The following CLSTN2 variants were observed in gnomAD, a reference collection of about 807,000 sequenced individuals.
CLSTN2 encodes calsyntenin 2.
A neutral mutation model predicts 101.2 loss-of-function variants in CLSTN2; 48 were observed. The observed-to-expected ratio is 0.47, with a 90% CI of 0.38 to 0.60. The LOEUF is 0.60. CLSTN2 is among the 20% of genes least tolerant of loss of function. The pLI is 0.00. For missense variants in CLSTN2, 1,160 were observed against 1,238.2 expected (o/e 0.94, Z 0.95); for synonymous variants, 481 against 463.6 (o/e 1.04, Z -0.48).
chr3:140,268,857 A>G (rs2086717515), intron 2 of CLSTN2, among the ~76,000 whole-genome samples: 1 of 152,150 alleles, frequency 6.6e-6, no homozygotes, highest in South Asian at 2.1e-4. Flanking sequence ...TCCTCTGTGT[A>G]CAGGATAGAA....
intron 11 of CLSTN2, 89 bp downstream of exon 11, chr3:140,556,750 A>C: frequency 1.5e-6 from 2 of 1,333,604 alleles, no homozygotes; most frequent in Non-Finnish European, 2.1e-6. Flanking sequence ...CCCTCACAAA[A>C]CAGGAGTTGC....
chr3:139,971,585 A>T (rs1393540344), intron 1 of CLSTN2, among the ~76,000 whole-genome samples: 1 of 152,216 alleles, frequency 6.6e-6, no homozygotes, highest in Non-Finnish European at 1.5e-5. Flanking sequence ...TTCCCCAAGC[A>T]GGAACAGTTG....
At chr3:140,429,441 G>A (rs2088605429) in intron 5 of CLSTN2, among the ~76,000 whole-genome samples, 1 of 152,164 alleles carries the variant, frequency 6.6e-6, no homozygotes, top group Non-Finnish European at 1.5e-5. Flanking sequence ...TTAGCACAGA[G>A]AGGAGGGGGT....
At chr3:140,098,392 A>G (rs2008907000) in intron 1 of CLSTN2, among the ~76,000 whole-genome samples, 2 of 152,232 alleles carry the variant, frequency 1.3e-5, no homozygotes, top group South Asian at 4.1e-4. Context: ...TTTCACAAGT[A>G]CTTGGCTACT....
At chr3:140,115,661 A>G (rs554395386) in intron 1 of CLSTN2, among the ~76,000 whole-genome samples, 1 of 152,314 alleles carries the variant, frequency 6.6e-6, no homozygotes, top group South Asian at 2.1e-4. Context: ...TTTGTGTTTG[A>G]CATTCTTTTC....
chr3:140,188,892 G>T (rs2010518924), intron 2 of CLSTN2, among the ~76,000 whole-genome samples: 1 of 152,030 alleles, frequency 6.6e-6, no homozygotes, highest in African/African-American at 2.4e-5. Flanking sequence ...CTATCACAAG[G>T]ATCCCACATT....
intron 6 of CLSTN2, among the ~76,000 whole-genome samples, chr3:140,458,799 A>G (rs1933481565): frequency 6.6e-6 from 1 of 152,188 alleles, no homozygotes; most frequent in Non-Finnish European, 1.5e-5. Flanking sequence ...TTCAGCCCTC[A>G]CAACTCGCTG....
chr3:140,524,089 G>A (rs139542452), intron 8 of CLSTN2, among the ~76,000 whole-genome samples: 2 of 152,336 alleles, frequency 1.3e-5, no homozygotes, highest in Non-Finnish European at 2.9e-5. Flanking sequence ...TGGAGAAAGA[G>A]TAGGGGAATT....
At chr3:140,418,073 C>T (rs139869060) in intron 4 of CLSTN2, among the ~76,000 whole-genome samples, 180 of 152,246 alleles carry the variant, frequency 1.2e-3, no homozygotes, top group Non-Finnish European at 2.1e-3. Flanking sequence ...AAACTCTGAG[C>T]CTTCCTTTTG....
intron 8 of CLSTN2, among the ~76,000 whole-genome samples, chr3:140,518,507 T>C (rs768931272): frequency 7.9e-5 from 12 of 152,188 alleles, no homozygotes; most frequent in Non-Finnish European, 1.5e-4. Flanking sequence ...ACTCCTGTTT[T>C]TCACTTGGCT....
At chr3:140,360,129 C>A (rs2087712783) in intron 2 of CLSTN2, among the ~76,000 whole-genome samples, 1 of 151,996 alleles carries the variant, frequency 6.6e-6, no homozygotes, top group Non-Finnish European at 1.5e-5. Context: ...TCCTGGAAAG[C>A]AAGTTACCCA....
At chr3:140,227,709 C>A (rs1355123059) in intron 2 of CLSTN2, among the ~76,000 whole-genome samples, 1 of 152,244 alleles carries the variant, frequency 6.6e-6, no homozygotes, top group African/African-American at 2.4e-5. Flanking sequence ...TGTTTCCATG[C>A]ATCTTCTAAA....
rs762671030 is a variant in CLSTN2, at chr3:140,532,471, G to A, written c.1492G>A (p.Gly498Ser). The change falls in exon 9 of 17, where the codon GGC (glycine) becomes AGC (serine). Residue 498 changes from glycine to serine, a missense_variant. Transcript: ENST00000458420. ...TCACATAGCCATGCAACTCACAGTC[G>A]GCGCTTGTTGGCAAGGTAATCCTAA... ...PSHIAMQLTVGACWQGGEVTK... is the reference protein window; with the variant it reads ...PSHIAMQLTVSACWQGGEVTK... 12 of 1,612,684 alleles carry A rather than the reference G, an allele frequency of 7.4e-6. No homozygotes were observed. The highest frequency in any genetic ancestry group is 2.2e-5 in the South Asian group (2 of 90,744).
chr3:140,015,227 T>G (rs936687755), intron 1 of CLSTN2, among the ~76,000 whole-genome samples: 6 of 152,180 alleles, frequency 3.9e-5, no homozygotes, highest in African/African-American at 1.2e-4. Flanking sequence ...ATCTTTATTA[T>G]CCTGCTCAGG....
At chr3:139,997,582 G>A (rs1203698604) in intron 1 of CLSTN2, among the ~76,000 whole-genome samples, 2 of 152,032 alleles carry the variant, frequency 1.3e-5, no homozygotes, top group Non-Finnish European at 1.5e-5. Context: ...AGACAGAATG[G>A]CATTCTAGTT....
At chr3:139,996,575 G>T (rs1253169646) in intron 1 of CLSTN2, among the ~76,000 whole-genome samples, 9 of 151,876 alleles carry the variant, frequency 5.9e-5, no homozygotes, top group Non-Finnish European at 1.3e-4. Context: ...CACTCCTCCT[G>T]GTAATGTATA....
At chr3:140,296,204 T>A (rs1324013538) in intron 2 of CLSTN2, among the ~76,000 whole-genome samples, 1 of 152,218 alleles carries the variant, frequency 6.6e-6, no homozygotes, top group Non-Finnish European at 1.5e-5. Flanking sequence ...GTTCTGAAGT[T>A]GTCTGGATGT....
intron 2 of CLSTN2, among the ~76,000 whole-genome samples, chr3:140,301,844 A>G (rs1407749292): frequency 6.6e-6 from 1 of 152,084 alleles, no homozygotes; most frequent in Non-Finnish European, 1.5e-5. Context: ...TGTCAAGCAA[A>G]TGGGAAACGT....
chr3:140,180,451 T>G (rs2010391152), intron 2 of CLSTN2, among the ~76,000 whole-genome samples: 1 of 152,208 alleles, frequency 6.6e-6, no homozygotes, highest in African/African-American at 2.4e-5. Context: ...GCTCTGTAGA[T>G]TTGACCTTCT....
Sources: gnomAD v4.1 joint callset for allele counts (sites outside exome capture counted in the v4.1 genomes callset) on GRCh38, gnomAD v4.1.1 for gene constraint, MANE v1.5 for transcripts, NCBI Gene and HGNC (gene_info 2026-07-23, HGNC 2026-07-21) for gene names.